The following TPTE variants were observed in gnomAD, a reference collection of about 807,000 sequenced individuals.
TPTE encodes putative tyrosine-protein phosphatase TPTE.
TPTE carries 59 observed loss-of-function variants against 84.1 expected under a neutral mutation model. The observed-to-expected ratio is 0.70, with a 90% CI of 0.57 to 0.87. TPTE has a LOEUF of 0.87. TPTE is among the 40% of genes least tolerant of loss of function. The probability of loss-of-function intolerance (pLI) is 0.00; values close to 1 mark genes in which losing one functional copy is unlikely to be tolerated. For synonymous variants in TPTE, 130 were observed against 223.5 expected (o/e 0.58, Z 3.73); for missense variants, 382 against 659.6 (o/e 0.58, Z 4.61).
At chr21:10,579,902 G>T (rs1341032899) in intron 17 of TPTE, among the ~76,000 whole-genome samples, 14 of 152,414 alleles carry the variant, frequency 9.2e-5, no homozygotes, top group Non-Finnish European at 2.1e-4. Context: ...AAATCATATG[G>T]TAGTTCTATT....
At chr21:10,600,354 G>A (rs1291798190) in intron 21 of TPTE, among the ~76,000 whole-genome samples, 2 of 152,418 alleles carry the variant, frequency 1.3e-5, no homozygotes, top group East Asian at 1.9e-4. Flanking sequence ...GGTCAGGCTG[G>A]TCTCAAACTC....
At chr21:10,553,346 G>T (rs1245424845) in intron 8 of TPTE, among the ~76,000 whole-genome samples, 1 of 152,300 alleles carries the variant, frequency 6.6e-6, no homozygotes, top group Non-Finnish European at 1.5e-5. Context: ...CCATTCACCA[G>T]CTTGTGTCAA....
chr21:10,600,234 G>A (rs1405676890), intron 21 of TPTE, among the ~76,000 whole-genome samples: 1 of 151,970 alleles, frequency 6.6e-6, no homozygotes, highest in Non-Finnish European at 1.5e-5. Context: ...CTGCCTCCTG[G>A]GTTCAAGCGA....
At chr21:10,548,826 G>A (rs2074520030) in intron 7 of TPTE, among the ~76,000 whole-genome samples, 1 of 152,312 alleles carries the variant, frequency 6.6e-6, no homozygotes, top group Admixed American at 6.5e-5. Flanking sequence ...ATGCTTCCAG[G>A]CCAGGCAAAC....
chr21:10,534,750 T>C (rs1388369240), intron 3 of TPTE, among the ~76,000 whole-genome samples: 1 of 152,310 alleles, frequency 6.6e-6, no homozygotes, highest in African/African-American at 2.4e-5. Context: ...GAAGTACTGG[T>C]AGTTTCAGCT....
At chr21:10,594,943 C>A (rs1256976726) in intron 19 of TPTE, among the ~76,000 whole-genome samples, 1 of 152,306 alleles carries the variant, frequency 6.6e-6, no homozygotes, top group Admixed American at 6.5e-5. Flanking sequence ...TGTCTCATGA[C>A]TGGCCCTTTC....
At chr21:10,599,657 T>G (rs1310692813) in intron 21 of TPTE, among the ~76,000 whole-genome samples, 2 of 152,310 alleles carry the variant, frequency 1.3e-5, no homozygotes, top group Non-Finnish European at 2.9e-5. Flanking sequence ...AACGTCACTC[T>G]TATTTCCTTG....
At chr21:10,579,304 A>G (rs1212955339) in intron 17 of TPTE, among the ~76,000 whole-genome samples, 1 of 152,430 alleles carries the variant, frequency 6.6e-6, no homozygotes, top group East Asian at 1.9e-4. Context: ...GGTGGATCAC[A>G]TGGTGAAGCC....
chr21:10,564,677 G>A (rs2074880259), intron 10 of TPTE, among the ~76,000 whole-genome samples: 1 of 152,306 alleles, frequency 6.6e-6, no homozygotes, highest in Non-Finnish European at 1.5e-5. Context: ...GTGTCTCTGG[G>A]ATGCAAGGAT....
At chr21:10,594,541 G>T (rs1386747036) in intron 19 of TPTE, among the ~76,000 whole-genome samples, 1 of 152,310 alleles carries the variant, frequency 6.6e-6, no homozygotes, top group Non-Finnish European at 1.5e-5. Context: ...AAGGAAGCGT[G>T]GGAGCACAAG....
chr21:10,595,504 G>A (rs1171542583), intron 19 of TPTE, among the ~76,000 whole-genome samples: 1 of 152,310 alleles, frequency 6.6e-6, no homozygotes, highest in African/African-American at 2.4e-5. Flanking sequence ...AATGCAAAGT[G>A]AAGAAATTGT....
intron 9 of TPTE, among the ~76,000 whole-genome samples, chr21:10,560,398 C>T (rs1292579567): frequency 1.3e-5 from 2 of 152,306 alleles, no homozygotes; most frequent in Non-Finnish European, 2.9e-5. Flanking sequence ...AAGACTAATT[C>T]ACCTTTATAG....
chr21:10,589,473 C>T, intron 17 of TPTE, among the ~76,000 whole-genome samples: 1 of 151,872 alleles, frequency 6.6e-6, no homozygotes, highest in Non-Finnish European at 1.5e-5. Context: ...CTCCCTCAGC[C>T]CTAGGGGTAG....
At chr21:10,527,269 C>T (rs1355749035) in intron 2 of TPTE, 86 bp from the exon 3 acceptor site, 5 of 152,736 alleles carry the variant, frequency 3.3e-5, no homozygotes, top group Non-Finnish European at 5.9e-5. Flanking sequence ...TTTTTTGTGT[C>T]CTGAAATACT....
At chr21:10,590,948 C>T (rs1418547474) in intron 18 of TPTE, among the ~76,000 whole-genome samples, 42 of 152,386 alleles carry the variant, frequency 2.8e-4, no homozygotes, top group Non-Finnish European at 5.3e-4. Flanking sequence ...ATTCAGTAAT[C>T]AAGATGCTTC....
At chr21:10,566,146 T>C (rs1242586146) in intron 10 of TPTE, among the ~76,000 whole-genome samples, 1 of 152,312 alleles carries the variant, frequency 6.6e-6, no homozygotes, top group Admixed American at 6.5e-5. Context: ...TGTAAGGAGC[T>C]CAAACAACTC....
intron 3 of TPTE, among the ~76,000 whole-genome samples, chr21:10,537,686 AAAAAAAG>A (rs2074291913): frequency 6.6e-6 from 1 of 152,266 alleles, no homozygotes; most frequent in Admixed American, 6.5e-5. Context: ...TCAAAAAAAA[AAAAAAAG>A]AAAAAAGAAA....
At chr21:10,551,650 AT>A (rs1461741995) in intron 7 of TPTE, among the ~76,000 whole-genome samples, 1 of 152,298 alleles carries the variant, frequency 6.6e-6, no homozygotes, top group East Asian at 1.9e-4. Context: ...TTTAAAAAAT[AT>A]CAACAAACCA....
intron 7 of TPTE, among the ~76,000 whole-genome samples, chr21:10,549,797 A>C (rs1451806480): frequency 6.6e-6 from 1 of 152,312 alleles, no homozygotes. Context: ...AAACTTCCTA[A>C]CTCTTGAGGG....
Sources: gnomAD v4.1 joint callset for allele counts (sites outside exome capture counted in the v4.1 genomes callset) on GRCh38, gnomAD v4.1.1 for gene constraint, MANE v1.5 for transcripts, NCBI Gene and HGNC (gene_info 2026-07-23, HGNC 2026-07-21) for gene names.